TNFRSF8: variants seen among roughly 807,000 people sequenced by gnomAD.
The protein encoded by TNFRSF8 is tumor necrosis factor receptor superfamily member 8.
In TNFRSF8, 26 loss-of-function variants were observed where a neutral mutation model predicts 70.8. The ratio of observed to expected loss-of-function variants is 0.37; its 90% CI spans 0.27 to 0.51. TNFRSF8 has a LOEUF of 0.51. TNFRSF8 is among the 20% of genes least tolerant of loss of function. The pLI is 0.94. For synonymous variants in TNFRSF8, 356 were observed against 339.2 expected, an observed-to-expected ratio of 1.05 and a Z score of -0.54; for missense variants, 720 against 807.9, an observed-to-expected ratio of 0.89 and a Z score of 1.32.
At chr1:12,111,311 A>G (rs1350057779) in intron 6 of TNFRSF8, among the ~76,000 whole-genome samples, 1 of 151,734 alleles carries the variant, frequency 6.6e-6, no homozygotes, top group Admixed American at 6.6e-5. Flanking sequence ...CCTCCCGAGT[A>G]GCTGGGATTA....
chr1:12,137,526 C>T (rs767663702), intron 13 of TNFRSF8, among the ~76,000 whole-genome samples: 3 of 149,952 alleles, frequency 2.0e-5, no homozygotes, highest in Non-Finnish European at 4.4e-5. Context: ...TGACACTTTC[C>T]TCATGACATA....
At chr1:12,081,253 C>T (rs929686605) in intron 1 of TNFRSF8, among the ~76,000 whole-genome samples, 3 of 152,036 alleles carry the variant, frequency 2.0e-5, no homozygotes, top group African/African-American at 7.2e-5. Flanking sequence ...CCCATGGTCC[C>T]CATAGACTCC....
intron 3 of TNFRSF8, among the ~76,000 whole-genome samples, chr1:12,101,761 A>G (rs1641427348): frequency 6.6e-6 from 1 of 152,076 alleles, no homozygotes; most frequent in African/African-American, 2.4e-5. Flanking sequence ...GCTCACTGCA[A>G]CCTGGGTTCA....
In TNFRSF8 at chr1:12,109,605, C is replaced by T. The variant is rs1012212786; in HGVS notation, c.461C>T (p.Pro154Leu). 4 of 1,613,746 alleles carry T rather than the reference C, an allele frequency of 2.5e-6. No individual in the cohort carries two copies. The highest frequency in any genetic ancestry group is 3.4e-6 in the Non-Finnish European group (4 of 1,179,954). The change falls in exon 5 of 15, where the codon CCA becomes CTA. Residue 154 changes from proline to leucine, a missense_variant. Coordinates refer to ENST00000263932, the MANE Select transcript of TNFRSF8 (RefSeq NM_001243.5). This position sits in a 1 kb window ranked among gnomAD's most constrained non-coding sequence, Gnocchi z 4.4. ...AACACGGTCTGTGAGCCGGCTTCCC[C>T]AGGGGTCAGCCCTGCCTGTGCCAGC... ...QKNTVCEPAS[P>L]GVSPACASPE...
chr1:12,138,477 G>A lies in TNFRSF8; in HGVS notation c.1543+41G>A, dbSNP rs1289364178. ...TTGGGAGGTCCCCTGCAGCCCAGGG[G>A]CAGATGGGAGATGAATACGGGGCCC... On this transcript the variant is annotated intron_variant, in intron 14 of 14. Coordinates refer to ENST00000263932, the MANE Select transcript of TNFRSF8 (RefSeq NM_001243.5). The surrounding 1 kb of genome is among the most constrained non-coding windows in gnomAD (Gnocchi z 5.7). 9 of 1,568,706 alleles carry A rather than the reference G, an allele frequency of 5.7e-6. No homozygotes were observed. The East Asian group carries it at 6.8e-5, about 12-fold the overall frequency.
chr1:12,126,473 A>G (rs1641942953), intron 12 of TNFRSF8, among the ~76,000 whole-genome samples: 1 of 152,188 alleles, frequency 6.6e-6, no homozygotes, highest in Non-Finnish European at 1.5e-5. Context: ...GCTTGCCCAG[A>G]GCAGCACCTG....
chr1:12,075,256 T>A (rs1640918700), intron 1 of TNFRSF8, among the ~76,000 whole-genome samples: 2 of 150,624 alleles, frequency 1.3e-5, no homozygotes, highest in South Asian at 4.2e-4. Context: ...AAAAAATTTT[T>A]TTTTTTTTTT....
At chr1:12,129,727 G>T (rs1011113672) in intron 12 of TNFRSF8, among the ~76,000 whole-genome samples, 18 of 152,250 alleles carry the variant, frequency 1.2e-4, no homozygotes, top group Middle Eastern at 3.4e-3. Context: ...GTCCTGCCAG[G>T]TTTCGATGTC....
chr1:12,123,733 C>G lies in TNFRSF8; in HGVS notation c.1059C>G (p.Ser353Arg). ...CCCGCAGCACCAGCCCCACTCAGAG[C>G]TTGCTGGTGGACTCCCAGGCCAGTA... ...EAPASTSPTQ[S>R]LLVDSQASKT... The change falls in exon 10 of 15, where the codon AGC becomes AGG. Residue 353 changes from serine to arginine, a missense_variant. Transcript: ENST00000263932. The G allele has an allele frequency of 6.4e-7, 1 of 1,567,506 alleles. No homozygotes were observed. The highest frequency in any genetic ancestry group is 8.7e-7 in the Non-Finnish European group (1 of 1,155,590).
In TNFRSF8 at chr1:12,063,502, G is replaced by T. The variant is rs1640683131; in HGVS notation, c.-97G>T. ...GCTGGAGCCTGAAGTCCACGCGCGC[G>T]GCTGAGAACCGCCGGGACCGCACGT... On this transcript the variant is annotated 5_prime_UTR_variant, in exon 1 of 15. Transcript: ENST00000263932. This position sits in a 1 kb window ranked among gnomAD's most constrained non-coding sequence, Gnocchi z 7.2. 8.8e-7 allele frequency: 1 copy of T among 1,135,902 alleles called. No individual in the cohort carries two copies. Among genetic ancestry groups the T allele is most frequent in the South Asian group, 2.9e-5 (1 of 34,342 alleles). The allele number at this position is 1,135,902 out of a possible 1,614,324, so 70.4% of individuals were successfully genotyped here.
intron 2 of TNFRSF8, among the ~76,000 whole-genome samples, chr1:12,091,291 G>A (rs1268914430): frequency 1.3e-5 from 2 of 152,228 alleles, no homozygotes; most frequent in Non-Finnish European, 2.9e-5. Flanking sequence ...AGTGGCAGAC[G>A]GAAGGGAAGG....
chr1:12,123,393 C>A lies in TNFRSF8; in HGVS notation c.1040+16C>A. The stretch of plus-strand genomic sequence containing the variant: ...CGCCTGCCAGGTGACTCCCCCACCC[C>A]TTCTCTCTGTTTGGCTGCTGCAGGA... On this transcript the variant is annotated intron_variant, in intron 9 of 14. Transcript: ENST00000263932. 6.3e-7 allele frequency: 1 copy of A among 1,594,620 alleles called. No individual in the cohort carries two copies. Among genetic ancestry groups the A allele is most frequent in the African/African-American group, 1.3e-5 (1 of 74,652 alleles).
chr1:12,102,047 T>C (rs1221576230), intron 3 of TNFRSF8, among the ~76,000 whole-genome samples: 1 of 152,236 alleles, frequency 6.6e-6, no homozygotes, highest in African/African-American at 2.4e-5. Flanking sequence ...CTGTGGTGCG[T>C]GAAGGTATCA....
intron 2 of TNFRSF8, 83 bp from the exon 3 acceptor site, chr1:12,097,018 C>G: frequency 9.8e-7 from 1 of 1,021,246 alleles, no homozygotes; most frequent in Admixed American, 1.9e-5. Context: ...GGAGGGGCGT[C>G]AGGGATGAGA....
chr1:12,123,741 T>G lies in TNFRSF8; in HGVS notation c.1067T>G (p.Val356Gly), dbSNP rs761162995. The G allele has an allele frequency of 6.4e-7, 1 of 1,571,174 alleles. No individual in the cohort carries two copies. ...ASTSPTQSLL[V>G]DSQASKTLPI... ...ACCAGCCCCACTCAGAGCTTGCTGG[T>G]GGACTCCCAGGCCAGTAAGACGCTG... The change falls in exon 10 of 15, where the codon GTG becomes GGG. Residue 356 changes from valine (V) to glycine (G), a missense_variant. Physicochemically the swap from Val to Gly is moderately radical, Grantham distance 109. Coordinates refer to ENST00000263932, the MANE Select transcript of TNFRSF8 (RefSeq NM_001243.5).
chr1:12,119,962 G>C lies in TNFRSF8; in HGVS notation c.947-3322G>C, dbSNP rs762650929. 6.6e-6 allele frequency among the ~76,000 whole-genome samples: 1 copy of C among 152,166 alleles called. No individual in the cohort carries two copies. The highest frequency in any genetic ancestry group is 1.5e-5 in the Non-Finnish European group (1 of 68,026). ...AAGCACAGGGCCGAAGCTAGAACCA[G>C]AATGCAGGGATCCCAAGGGTCAGCC... On this transcript the variant is annotated intron_variant, in intron 8 of 14. Transcript: ENST00000263932. The surrounding 1 kb of genome is among the most constrained non-coding windows in gnomAD (Gnocchi z 4.4).
chr1:12,104,998 G>T (rs910189509), intron 4 of TNFRSF8, among the ~76,000 whole-genome samples: 12 of 152,182 alleles, frequency 7.9e-5, no homozygotes, highest in Non-Finnish European at 1.6e-4. Context: ...CCTCAGACAA[G>T]TTTCTTACCT....
At chr1:12,075,118 C>A (rs1640915537) in intron 1 of TNFRSF8, among the ~76,000 whole-genome samples, 1 of 152,062 alleles carries the variant, frequency 6.6e-6, no homozygotes, top group African/African-American at 2.4e-5. Context: ...GTGGCACATG[C>A]CTGTAATCCC....
chr1:12,066,797 T>C (rs60837838), intron 1 of TNFRSF8, among the ~76,000 whole-genome samples: 34,872 of 151,492 alleles, frequency 0.23, 4,644 homozygotes, highest in Admixed American at 0.43. Context: ...GGATTATAGG[T>C]GCCTGCCACC....
Sources: allele counts gnomAD v4.1 joint callset (sites outside exome capture counted in the v4.1 genomes callset), GRCh38; gene constraint gnomAD v4.1.1; non-coding constraint Gnocchi (gnomAD v3.1); transcripts MANE v1.5; gene names NCBI Gene and HGNC (gene_info 2026-07-23, HGNC 2026-07-21).